Variants in ABL1 observed in about 807,000 individuals in gnomAD.
ABL1 encodes the protein ABL proto-oncogene 1, non-receptor tyrosine kinase.
ABL1 carries 11 observed loss-of-function variants against 94.7 expected under a neutral mutation model. The ratio of observed to expected loss-of-function variants is 0.12; its 90% CI spans 0.07 to 0.19. ABL1 has a LOEUF of 0.19. Among genes scored for constraint, ABL1 ranks in the 10% least tolerant of loss-of-function variants. The pLI is 1.00. For missense variants in ABL1, 1,082 were observed against 1,489.4 expected, an observed-to-expected ratio of 0.73 and a Z score of 4.50; for synonymous variants, 656 against 622.4, an observed-to-expected ratio of 1.05 and a Z score of -0.80.
In ABL1 at chr9:130,814,094, G is replaced by A. The variant is rs1020961068; in HGVS notation, c.137-39970G>A. On this transcript the variant is annotated intron_variant, in intron 1 of 10. Coordinates refer to the ABL1 transcript ENST00000372348. The surrounding 1 kb of genome is among the most constrained non-coding windows in gnomAD (Gnocchi z 4.4). ...AAGGTCAGGAGATTGAGATCATCCC[G>A]GCCAACATGGTGAAACCCCGTCTCT... Among the ~76,000 whole-genome samples the A allele has an allele frequency of 1.3e-5, 2 of 152,006 alleles. No individual in the cohort carries two copies. Among genetic ancestry groups the A allele is most frequent in the South Asian group, 2.1e-4 (1 of 4,820 alleles).
At chr9:130,868,037 G>T (rs936124277) in intron 4 of ABL1, among the ~76,000 whole-genome samples, 4 of 150,698 alleles carry the variant, frequency 2.7e-5, no homozygotes, top group Non-Finnish European at 4.4e-5. Context: ...TCGGCTCACC[G>T]CAAGCTCCAC....
intron 1 of ABL1, among the ~76,000 whole-genome samples, chr9:130,740,620 T>G (rs1224906456): frequency 6.6e-6 from 1 of 152,136 alleles, no homozygotes; most frequent in Admixed American, 6.5e-5. Context: ...TACTATGATC[T>G]CAGTTGCCAG....
At chr9:130,764,327 A>G (rs1832154369) in intron 1 of ABL1, among the ~76,000 whole-genome samples, 1 of 152,216 alleles carries the variant, frequency 6.6e-6, no homozygotes, top group Non-Finnish European at 1.5e-5. Context: ...GCATCTGTCC[A>G]GAGCTTTTCA....
At chr9:130,852,369 G>GT (rs1830882479) in intron 1 of ABL1, among the ~76,000 whole-genome samples, 2 of 151,798 alleles carry the variant, frequency 1.3e-5, no homozygotes, top group Non-Finnish European at 2.9e-5. Flanking sequence ...TGCCCGGCTA[G>GT]TTTTTTCTAT....
intron 1 of ABL1, among the ~76,000 whole-genome samples, chr9:130,714,891 G>T (rs1831418120): frequency 2.0e-5 from 3 of 152,184 alleles, no homozygotes; most frequent in African/African-American, 7.2e-5. Flanking sequence ...TTGTGTTCCT[G>T]AGAAAGTTAA....
chr9:130,724,667 G>A (rs529557582), intron 1 of ABL1: 1 of 276,890 alleles, frequency 3.6e-6, no homozygotes, highest in Admixed American at 3.9e-5. Flanking sequence ...GCCAGGCGTG[G>A]TGACGCATAC....
At chr9:130,780,162 C>T (rs1318971308) in intron 1 of ABL1, among the ~76,000 whole-genome samples, 4 of 152,182 alleles carry the variant, frequency 2.6e-5, no homozygotes, top group African/African-American at 9.7e-5. Flanking sequence ...TGGCAGGCAC[C>T]CGTAATCCCA....
At chr9:130,790,725 C>T (rs1829897411) in intron 1 of ABL1, among the ~76,000 whole-genome samples, 1 of 151,862 alleles carries the variant, frequency 6.6e-6, no homozygotes, top group Non-Finnish European at 1.5e-5. Context: ...CTTTCTGCCT[C>T]AGCGTCCCAA....
In ABL1 at chr9:130,872,830, G is replaced by A. The variant is rs377608397; in HGVS notation, c.908-30G>A. ...TTTGTTCAGTTGGGAGCGGAGCCAC[G>A]TGTTGAAGTCCTCGTTGTCTTGTTG... On this transcript the variant is annotated intron_variant, in intron 5 of 10. Transcript: ENST00000318560. The surrounding 1 kb of genome is among the most constrained non-coding windows in gnomAD (Gnocchi z 5.0). 1.0e-5 allele frequency: 16 copies of A among 1,594,298 alleles called. No individual in the cohort carries two copies. The Admixed American group carries it at 1.4e-4, about 14-fold the overall frequency.
rs772617122 is a variant in ABL1 at position 130,862,799 on chromosome 9, G to C, written c.586G>C (p.Ala196Pro). 6.2e-7 allele frequency: 1 copy of C among 1,613,904 alleles called. No homozygotes were observed. Among genetic ancestry groups the C allele is most frequent in the South Asian group, 1.1e-5 (1 of 91,018 alleles). Residue 196 changes from alanine to proline, a missense_variant, in exon 4 of 11, where the codon GCC (alanine) becomes CCC (proline). Physicochemically the swap from Ala to Pro is conservative, Grantham distance 27. This residue lies in a region of ABL1 where 22 missense variants were observed against 23.0 expected (regional missense o/e 0.96). Coordinates refer to ENST00000318560, the MANE Select transcript of ABL1 (RefSeq NM_005157.6). This position sits in a 1 kb window ranked among gnomAD's most constrained non-coding sequence, Gnocchi z 5.5. ...CTCCGAGAGCCGCTTCAACACCCTG[G>C]CCGAGTTGGTTCATCATCATTCAAC... Reference protein sequence around the residue: ...VSSESRFNTLAELVHHHSTVA... With the variant: ...VSSESRFNTLPELVHHHSTVA...
At chr9:130,713,045 T>C (rs1831389790) in exon 1 of ABL1, among the ~76,000 whole-genome samples, 1 of 152,098 alleles carries the variant, frequency 6.6e-6, no homozygotes, top group Non-Finnish European at 1.5e-5. Flanking sequence ...CGGCTCGTAA[T>C]CCATCATGGC....
Position 130,880,415 on chromosome 9 carries a change from T to G in ABL1, c.1514-85T>G. 8 of 1,511,392 alleles carry G rather than the reference T, an allele frequency of 5.3e-6. No homozygotes were observed. The highest frequency in any genetic ancestry group is 7.2e-6 in the Non-Finnish European group (8 of 1,106,590). The allele number at this position is 1,511,392 out of a possible 1,614,324, so 93.6% of individuals were successfully genotyped here. A position where few individuals can be genotyped will look rare whatever the true frequency, so the allele number is the denominator to read the frequency against. Reference sequence around the variant, plus strand: ...TGTATGCAGATGAGCACTGTTACCTTACAAAGAAAGAGAACCACCACACCA... The same window carrying G: ...TGTATGCAGATGAGCACTGTTACCTGACAAAGAAAGAGAACCACCACACCA... On this transcript the variant is annotated intron_variant, in intron 9 of 10. Transcript: ENST00000318560. This position sits in a 1 kb window ranked among gnomAD's most constrained non-coding sequence, Gnocchi z 4.4.
chr9:130,874,304 A>G (rs1217649287), intron 6 of ABL1, among the ~76,000 whole-genome samples: 1 of 152,204 alleles, frequency 6.6e-6, no homozygotes, highest in African/African-American at 2.4e-5. Context: ...ACATTTGGGT[A>G]CACCTCAGGA....
chr9:130,762,114 G>C (rs1832123244), intron 1 of ABL1, among the ~76,000 whole-genome samples: 1 of 147,864 alleles, frequency 6.8e-6, no homozygotes, highest in Admixed American at 6.8e-5. Context: ...TTGCACTTCT[G>C]CCTGGGCAAC....
chr9:130,750,189 ATACATATATATATATATAT>A (rs1831938092), intron 1 of ABL1, among the ~76,000 whole-genome samples: 1 of 69,814 alleles, frequency 1.4e-5, no homozygotes, highest in African/African-American at 9.1e-5. Context: ...GAAAAAAAAA[ATACATATATATATATATAT>A]ATATATATAT....
intron 1 of ABL1, among the ~76,000 whole-genome samples, chr9:130,759,398 G>A (rs905784005): frequency 6.6e-6 from 1 of 152,102 alleles, no homozygotes; most frequent in African/African-American, 2.4e-5. Flanking sequence ...CAGCTCCTTG[G>A]CCAAATGCGT....
chr9:130,835,664 CTCTT>C lies in ABL1; in HGVS notation c.79+140_79+143del. On this transcript the variant is annotated intron_variant, in intron 1 of 10. Coordinates refer to ENST00000318560, the MANE Select transcript of ABL1 (RefSeq NM_005157.6). This position sits in a 1 kb window ranked among gnomAD's most constrained non-coding sequence, Gnocchi z 4.6. ...GTCTTTTTTTTCTTTCTTCCCTCTT[CTCTT>C]CTCTTCTCTTCAGTTCTCTTATATT... 4.7e-6 allele frequency: 2 copies of C among 424,488 alleles called. No individual in the cohort carries two copies. Among genetic ancestry groups the C allele is most frequent in the Non-Finnish European group, 7.9e-6 (2 of 252,142 alleles). 26.3% of individuals were successfully genotyped at this position (424,488 alleles called of 1,614,324 possible). A position where few individuals can be genotyped will look rare whatever the true frequency, so the allele number is the denominator to read the frequency against.
intron 1 of ABL1, among the ~76,000 whole-genome samples, chr9:130,767,112 ATGAC>A (rs1564284586): frequency 7.4e-4 from 113 of 152,194 alleles, no homozygotes; most frequent in African/African-American, 2.7e-3. Flanking sequence ...CCCAGCTCAC[ATGAC>A]ATCTTTTCGG....
rs1238034561 is a variant in ABL1, at chr9:130,782,310, C to T, written c.136+67855C>T. Among the ~76,000 whole-genome samples, 5 of 152,208 alleles carry T rather than the reference C, an allele frequency of 3.3e-5. No homozygotes were observed. In the South Asian group the frequency reaches 1.0e-3, roughly 32 times the overall value. ...TCCTGACCTCAAGTGATCCGCCTGC[C>T]TTGGCCTCCCAAAGTGCTGGGATTA... On this transcript the variant is annotated intron_variant, in intron 1 of 10. Coordinates refer to the ABL1 transcript ENST00000372348.
Sources: allele counts gnomAD v4.1 joint callset (sites outside exome capture counted in the v4.1 genomes callset), GRCh38; gene constraint gnomAD v4.1.1; regional missense constraint gnomAD v4.1.1; non-coding constraint Gnocchi (gnomAD v3.1); transcripts MANE v1.5; gene names NCBI Gene and HGNC (gene_info 2026-07-23, HGNC 2026-07-21).